Variants in EDA observed in about 807,000 individuals in gnomAD.
EDA encodes the protein ectodysplasin A.
Under a neutral mutation model 23.6 loss-of-function variants are expected in EDA, and 2 were observed. That is an observed-to-expected ratio of 0.08 (90% CI 0.03 to 0.27). The LOEUF (loss-of-function observed/expected upper bound fraction) is 0.27. EDA is among the 10% of genes least tolerant of loss of function. EDA has a pLI of 1.00. For missense variants in EDA, 229 were observed against 324.2 expected (o/e 0.71, Z 2.26); for synonymous variants, 131 against 132.0 (o/e 0.99, Z 0.05).
chrX:69,908,474 T>TAA (rs1356243449), intron 1 of EDA, among the ~76,000 whole-genome samples: 1 of 107,316 alleles, frequency 9.3e-6, no homozygotes, highest in African/African-American at 3.4e-5. Flanking sequence ...ATAAAAAGTA[T>TAA]ATATATATAT....
At chrX:69,977,769 T>C (rs954103792) in intron 2 of EDA, among the ~76,000 whole-genome samples, 3 of 111,876 alleles carry the variant, frequency 2.7e-5, no homozygotes, top group African/African-American at 9.7e-5. Context: ...CAGAACAGTA[T>C]ATTAGACAGA....
chrX:69,654,866 G>T (rs1200416702), intron 1 of EDA, among the ~76,000 whole-genome samples: 1 of 108,384 alleles, frequency 9.2e-6, no homozygotes, highest in African/African-American at 3.4e-5. Flanking sequence ...GTTAATGGGT[G>T]CAGCACACCA....
intron 1 of EDA, among the ~76,000 whole-genome samples, chrX:69,873,541 A>G (rs1255743521): frequency 2.7e-5 from 3 of 112,646 alleles, no homozygotes; most frequent in Non-Finnish European, 5.6e-5. Context: ...AAGAAGCTCA[A>G]TTAGAAATGA....
chrX:69,807,477 A>G (rs1174813656), intron 1 of EDA, among the ~76,000 whole-genome samples: 2 of 99,726 alleles, frequency 2.0e-5, no homozygotes, highest in Admixed American at 1.2e-4. Context: ...TTGTGTCTCA[A>G]AAACACAAAT....
chrX:69,895,479 A>C (rs770403802), intron 1 of EDA, among the ~76,000 whole-genome samples: 1 of 109,855 alleles, frequency 9.1e-6, no homozygotes, highest in Non-Finnish European at 1.9e-5. Flanking sequence ...GTATATAGCC[A>C]TTGAAAAAGA....
At chrX:69,890,838 A>G (rs2017916092) in intron 1 of EDA, among the ~76,000 whole-genome samples, 1 of 111,709 alleles carries the variant, frequency 9.0e-6, no homozygotes, top group African/African-American at 3.2e-5. Context: ...ACAAGCAAAG[A>G]TTTCATGATG....
chrX:69,658,846 A>G (rs1420056238), intron 1 of EDA, among the ~76,000 whole-genome samples: 1 of 111,687 alleles, frequency 9.0e-6, no homozygotes, highest in Non-Finnish European at 1.9e-5. Context: ...CTGTGCTTGC[A>G]TTTCGCAGTC....
chrX:69,681,947 G>T (rs1476081585), intron 1 of EDA, among the ~76,000 whole-genome samples: 7 of 110,122 alleles, frequency 6.4e-5, no homozygotes, highest in Admixed American at 4.8e-4. Context: ...CCCCATCTTT[G>T]TGGTTTTATC....
At chrX:69,725,324 T>C (rs1452805026) in intron 1 of EDA, among the ~76,000 whole-genome samples, 5 of 112,140 alleles carry the variant, frequency 4.5e-5, no homozygotes, top group African/African-American at 1.6e-4. Context: ...CCCACAGCCA[T>C]ACCTTTGTAC....
At chrX:69,697,794 T>G (rs190217738) in intron 1 of EDA, among the ~76,000 whole-genome samples, 1 of 112,339 alleles carries the variant, frequency 8.9e-6, no homozygotes, top group Non-Finnish European at 1.9e-5. Context: ...AGGTTTGGAC[T>G]GGTACATGGG....
At chrX:69,813,982 C>T (rs2048982148) in intron 1 of EDA, among the ~76,000 whole-genome samples, 1 of 111,989 alleles carries the variant, frequency 8.9e-6, no homozygotes, top group African/African-American at 3.2e-5. Flanking sequence ...TTGCATTGTC[C>T]CACTTTGACA....
At chrX:69,676,390 G>C (rs927905504) in intron 1 of EDA, among the ~76,000 whole-genome samples, 17 of 111,112 alleles carry the variant, frequency 1.5e-4, no homozygotes, top group African/African-American at 5.6e-4. Flanking sequence ...GTTGGATTCT[G>C]AATTTACTGT....
intron 1 of EDA, among the ~76,000 whole-genome samples, chrX:69,910,384 T>A (rs202106685): frequency 0.013 from 977 of 73,225 alleles, 2 homozygotes; most frequent in African/African-American, 0.041. Flanking sequence ...AGTGTGTGTG[T>A]GTGTGTGTGT....
intron 1 of EDA, among the ~76,000 whole-genome samples, chrX:69,647,844 G>A (rs986548057): frequency 8.1e-5 from 9 of 111,675 alleles, no homozygotes; most frequent in Non-Finnish European, 1.7e-4. Context: ...TGATCTTTGA[G>A]GTTACTGACC....
intron 2 of EDA, among the ~76,000 whole-genome samples, chrX:69,992,333 T>A (rs931696469): frequency 8.9e-6 from 1 of 112,275 alleles, no homozygotes; most frequent in African/African-American, 3.2e-5. Context: ...GAAGAAGGCA[T>A]CTTGTCCCAG....
At chrX:69,834,912 G>T (rs1373548967) in intron 1 of EDA, among the ~76,000 whole-genome samples, 2 of 111,416 alleles carry the variant, frequency 1.8e-5, no homozygotes, top group Non-Finnish European at 3.8e-5. Flanking sequence ...AGGCCTGGTG[G>T]TGACAAAATC....
Position 69,939,092 on chromosome X carries a change from T to G in EDA, c.397-17935T>G, listed in dbSNP as rs191177463. On this transcript the variant is annotated intron_variant, in intron 1 of 7. Coordinates refer to ENST00000374552, the MANE Select transcript of EDA (RefSeq NM_001399.5). ...TTGGCTATTCTGGGTCTTTTGTGGT[T>G]CCATATACATTTTAGAATTTTTTTT... Among the ~76,000 whole-genome samples, 8 of 112,043 alleles carry G rather than the reference T, an allele frequency of 7.1e-5. No homozygotes were observed. The East Asian group carries it at 2.0e-3, about 28-fold the overall frequency.
intron 2 of EDA, among the ~76,000 whole-genome samples, chrX:69,997,353 A>G (rs924025495): frequency 1.8e-5 from 2 of 111,820 alleles, no homozygotes; most frequent in African/African-American, 6.5e-5. Flanking sequence ...CCCACCCTAG[A>G]GATTTATAGA....
Position 69,810,756 on chromosome X carries a change from C to CAA in EDA, c.397-146256_397-146255dup, listed in dbSNP as rs55802103. 4.0e-3 allele frequency among the ~76,000 whole-genome samples: 344 copies of CAA among 85,297 alleles called. 1 individual carries two copies. The highest frequency in any genetic ancestry group is 0.012 in the African/African-American group (277 of 23,457). 74.1% of individuals were successfully genotyped at this position (85,297 alleles called of 115,157 possible). On this transcript the variant is annotated intron_variant, in intron 1 of 7. Coordinates refer to ENST00000374552, the MANE Select transcript of EDA (RefSeq NM_001399.5). ...GGGCAACAAGAGCGAGACTCCATCTCAAAAAAAAAAAAAAAATAGAAACCT... is the reference window on the plus strand; with the variant it reads ...GGGCAACAAGAGCGAGACTCCATCTCAAAAAAAAAAAAAAAAAATAGAAACCT...
Sources: allele counts gnomAD v4.1 joint callset (sites outside exome capture counted in the v4.1 genomes callset), GRCh38; gene constraint gnomAD v4.1.1; transcripts MANE v1.5; gene names NCBI Gene and HGNC (gene_info 2026-07-23, HGNC 2026-07-21).